Variants in PTPRD observed in about 807,000 individuals in gnomAD.
PTPRD encodes the protein receptor-type tyrosine-protein phosphatase delta.
A neutral mutation model predicts 214.5 loss-of-function variants in PTPRD; 34 were observed. That is an observed-to-expected ratio of 0.16 (90% CI 0.12 to 0.21). PTPRD has a LOEUF of 0.21. PTPRD is among the 10% of genes least tolerant of loss of function. The pLI is 1.00. For synonymous variants in PTPRD, 1,128 were observed against 845.7 expected (o/e 1.33, Z -5.79); for missense variants, 2,545 against 2,398.7 (o/e 1.06, Z -1.27).
At chr9:9,135,923 C>A (rs1393323156) in intron 10 of PTPRD, among the ~76,000 whole-genome samples, 2 of 150,344 alleles carry the variant, frequency 1.3e-5, no homozygotes, top group Admixed American at 6.7e-5. Context: ...TTATGACAAC[C>A]ATTTAAATAT....
rs1351236236 is a variant in PTPRD, at chr9:9,601,155, G to GAA, written c.-286-26375_-286-26374insTT. ...TGTGTGTGTGTGTGTGTGTGTATGG[G>GAA]GGGGGGAGAGTGGGGAGAGAGAGAG... On this transcript the variant is annotated intron_variant, in intron 7 of 45. Coordinates refer to ENST00000381196, the MANE Select transcript of PTPRD (RefSeq NM_002839.4). 2.9e-4 allele frequency among the ~76,000 whole-genome samples: 36 copies of GAA among 122,070 alleles called. 1 individual carries two copies. Among genetic ancestry groups the GAA allele is most frequent in the African/African-American group, 8.8e-4 (30 of 34,230 alleles). The allele number at this position is 122,070 out of a possible 152,430, so 80.1% of individuals were successfully genotyped here.
chr9:10,266,363 C>T (rs1468077426), intron 3 of PTPRD, among the ~76,000 whole-genome samples: 1 of 151,760 alleles, frequency 6.6e-6, no homozygotes, highest in African/African-American at 2.4e-5. Context: ...TAAGATATGC[C>T]AGATGTAAAT....
chr9:10,307,630 C>T (rs190669653), intron 3 of PTPRD, among the ~76,000 whole-genome samples: 2 of 152,104 alleles, frequency 1.3e-5, no homozygotes, highest in Admixed American at 6.6e-5. Flanking sequence ...AATATCCATA[C>T]TGTTTTCCAT....
chr9:9,325,043 T>A (rs1969158029), intron 9 of PTPRD, among the ~76,000 whole-genome samples: 2 of 152,206 alleles, frequency 1.3e-5, no homozygotes, highest in Non-Finnish European at 2.9e-5. Flanking sequence ...TCTGTTCCAT[T>A]GATCTATATC....
chr9:9,037,094 C>G (rs73430130), intron 10 of PTPRD, among the ~76,000 whole-genome samples: 1 of 152,050 alleles, frequency 6.6e-6, no homozygotes, highest in East Asian at 1.9e-4. Context: ...CCGTTAATAA[C>G]AGGAAGTAAC....
At chr9:8,424,779 G>A (rs763805889) in intron 35 of PTPRD, among the ~76,000 whole-genome samples, 1 of 152,100 alleles carries the variant, frequency 6.6e-6, no homozygotes, top group Non-Finnish European at 1.5e-5. Flanking sequence ...AATCAGGGGT[G>A]TCTGTGAGCC....
At chr9:8,370,237 C>T (rs201864021) in intron 39 of PTPRD, among the ~76,000 whole-genome samples, 77 of 44,540 alleles carry the variant, frequency 1.7e-3, no homozygotes, top group African/African-American at 2.9e-3. Context: ...CACACACACA[C>T]ATATATATAT....
At position 9,151,548 on chromosome 9, in the gene PTPRD, T is replaced by C. The variant is rs183824235; in HGVS notation, c.-143+31756A>G. Among the ~76,000 whole-genome samples, 30 of 152,296 alleles carry C rather than the reference T, an allele frequency of 2.0e-4. No homozygotes were observed. The East Asian group carries it at 4.8e-3, about 24-fold the overall frequency. On this transcript the variant is annotated intron_variant, in intron 10 of 45. Coordinates refer to ENST00000381196, the MANE Select transcript of PTPRD (RefSeq NM_002839.4). ...TTAAACATGTTTAAATGAGATAGAA[T>C]TTAAAAATTTGAAATGGTTGAATAC...
chr9:8,805,648 G>A (rs1173265835), intron 11 of PTPRD, among the ~76,000 whole-genome samples: 1 of 150,910 alleles, frequency 6.6e-6, no homozygotes, highest in East Asian at 2.0e-4. Flanking sequence ...TGTTGCCCAG[G>A]CTGGAGTGCA....
chr9:9,712,198 A>T (rs938989677), intron 7 of PTPRD, among the ~76,000 whole-genome samples: 1 of 152,162 alleles, frequency 6.6e-6, no homozygotes, highest in Non-Finnish European at 1.5e-5. Flanking sequence ...GATTTACTTT[A>T]TCAATGAACA....
At chr9:9,294,358 T>C (rs998749193) in intron 9 of PTPRD, among the ~76,000 whole-genome samples, 8 of 151,746 alleles carry the variant, frequency 5.3e-5, no homozygotes, top group African/African-American at 1.4e-4. Flanking sequence ...TAAATATCTG[T>C]ATTAGGCTAA....
intron 10 of PTPRD, among the ~76,000 whole-genome samples, chr9:9,153,474 T>C (rs2099878584): frequency 6.6e-6 from 1 of 152,142 alleles, no homozygotes; most frequent in Non-Finnish European, 1.5e-5. Context: ...GAATTAAACA[T>C]TTACATAAAA....
chr9:8,773,392 C>G (rs965321408), intron 11 of PTPRD, among the ~76,000 whole-genome samples: 2 of 152,084 alleles, frequency 1.3e-5, no homozygotes, highest in Admixed American at 1.3e-4. Flanking sequence ...TGTTTAAACC[C>G]TAGAAACTCT....
intron 7 of PTPRD, among the ~76,000 whole-genome samples, chr9:9,707,604 A>AT (rs2097648868): frequency 1.3e-5 from 2 of 152,202 alleles, no homozygotes; most frequent in South Asian, 4.1e-4. Context: ...AATAGCCTAC[A>AT]TTTTTCTGAA....
chr9:9,697,107 T>A (rs1405495681), intron 7 of PTPRD, among the ~76,000 whole-genome samples: 13 of 152,236 alleles, frequency 8.5e-5, no homozygotes, highest in Non-Finnish European at 1.3e-4. Flanking sequence ...AGATTTTTCT[T>A]GCCTCAATTT....
At position 8,389,625 on chromosome 9, in the gene PTPRD, G is replaced by A. The variant is rs150962510; in HGVS notation, c.4211-218C>T. On this transcript the variant is annotated intron_variant, in intron 36 of 45. Coordinates refer to ENST00000381196, the MANE Select transcript of PTPRD (RefSeq NM_002839.4). ...AAAAAGTGTCAGGTCTTTATAATACGACAAAGAAAAAATACAATAGATGGT... is the reference window on the plus strand; with the variant it reads ...AAAAAGTGTCAGGTCTTTATAATACAACAAAGAAAAAATACAATAGATGGT... 1.6e-3 allele frequency among the ~76,000 whole-genome samples: 237 copies of A among 152,106 alleles called. 2 individuals are homozygous for A. Among genetic ancestry groups the A allele is most frequent in the African/African-American group, 5.3e-3 (222 of 41,508 alleles).
chr9:9,036,054 T>A (rs1407244244), intron 10 of PTPRD, among the ~76,000 whole-genome samples: 1 of 152,124 alleles, frequency 6.6e-6, no homozygotes, highest in African/African-American at 2.4e-5. Context: ...TAGGTTATTT[T>A]TCAAGTGTGT....
chr9:8,343,285 T>C (rs951693557), intron 39 of PTPRD, among the ~76,000 whole-genome samples: 4 of 152,088 alleles, frequency 2.6e-5, no homozygotes, highest in African/African-American at 9.7e-5. Flanking sequence ...TACTTTAAAA[T>C]AGGTTACTTT....
chr9:9,180,453 G>C (rs1224618982), intron 10 of PTPRD, among the ~76,000 whole-genome samples: 3 of 117,762 alleles, frequency 2.5e-5, no homozygotes, highest in Non-Finnish European at 3.5e-5. Flanking sequence ...GTTGTGGGGT[G>C]GGGGGAGGGC....
Sources: allele counts gnomAD v4.1 joint callset (sites outside exome capture counted in the v4.1 genomes callset), GRCh38; gene constraint gnomAD v4.1.1; transcripts MANE v1.5; gene names NCBI Gene and HGNC (gene_info 2026-07-23, HGNC 2026-07-21).